Variants in SHANK2 observed in about 807,000 individuals in gnomAD.
SHANK2 encodes the protein SH3 and multiple ankyrin repeat domains 2.
Under a neutral mutation model 133.7 loss-of-function variants are expected in SHANK2, and 43 were observed. The observed-to-expected ratio is 0.32, with a 90% CI of 0.25 to 0.41. The LOEUF is 0.41. Among genes scored for constraint, SHANK2 ranks in the 10% least tolerant of loss-of-function variants. The pLI, the probability that SHANK2 is intolerant of heterozygous loss-of-function variation, is 1.00. For synonymous variants in SHANK2, 1,017 were observed against 952.8 expected, an observed-to-expected ratio of 1.07 and a Z score of -1.24; for missense variants, 1,994 against 2,235.8, an observed-to-expected ratio of 0.89 and a Z score of 2.18.
At chr11:70,873,146 CAA>C (rs1555070531) in intron 11 of SHANK2, 1 of 469,292 alleles carries the variant, frequency 2.1e-6, no homozygotes, top group East Asian at 7.0e-5. Context: ...TTCCCTAAAA[CAA>C]AGAGCCGTTG....
chr11:70,880,643 C>T (rs1555072250), intron 11 of SHANK2, among the ~76,000 whole-genome samples: 2 of 152,210 alleles, frequency 1.3e-5, no homozygotes, highest in African/African-American at 2.4e-5. Flanking sequence ...CACCCCTGGG[C>T]TTGTGCCCTA....
chr11:70,591,233 T>A (rs1565157545), intron 17 of SHANK2, among the ~76,000 whole-genome samples: 1 of 151,976 alleles, frequency 6.6e-6, no homozygotes. Context: ...GTGCCTGGGA[T>A]CCCAGCTACT....
intron 2 of SHANK2, among the ~76,000 whole-genome samples, chr11:71,183,575 A>T (rs1176252520): frequency 2.6e-5 from 4 of 152,216 alleles, no homozygotes. Flanking sequence ...ACATCAATGC[A>T]TGCGGCTCAC....
At chr11:70,602,043 C>A (rs1357665449) in intron 17 of SHANK2, among the ~76,000 whole-genome samples, 1 of 152,158 alleles carries the variant, frequency 6.6e-6, no homozygotes, top group East Asian at 1.9e-4. Context: ...CAGGGCGGGT[C>A]CCTCGTGGCT....
At chr11:71,132,786 T>C (rs115323356) in intron 3 of SHANK2, among the ~76,000 whole-genome samples, 1,722 of 152,308 alleles carry the variant, frequency 0.011, 36 homozygotes, top group African/African-American at 0.039. Flanking sequence ...GCAACTTTCA[T>C]TGGAAGGCCC....
intron 13 of SHANK2, among the ~76,000 whole-genome samples, chr11:70,803,068 G>A (rs3019831): frequency 0.039 from 5,927 of 152,202 alleles, 410 homozygotes; most frequent in African/African-American, 0.14. Context: ...CATGGCAGCC[G>A]AATCCTGAAG....
intron 12 of SHANK2, among the ~76,000 whole-genome samples, chr11:70,819,969 C>T (rs1449693491): frequency 2.0e-5 from 3 of 152,156 alleles, no homozygotes; most frequent in Non-Finnish European, 2.9e-5. Flanking sequence ...ACATGGCCCT[C>T]GGGAGGGCAC....
In SHANK2 at chr11:71,224,754, A is replaced by G. The variant is rs1954613278; in HGVS notation, c.-70T>C. ...GCCTCTTAGAGCAGGAACTGTCTGTATTCTAGAGGGCCAAAGCAGGGTGCC... is the reference window on the plus strand; with the variant it reads ...GCCTCTTAGAGCAGGAACTGTCTGTGTTCTAGAGGGCCAAAGCAGGGTGCC... On this transcript the variant is annotated 5_prime_UTR_variant, in exon 2 of 26. Transcript: ENST00000601538. 1 of 152,372 alleles carries G rather than the reference A, an allele frequency of 6.6e-6. No individual in the cohort carries two copies. Among genetic ancestry groups the G allele is most frequent in the Non-Finnish European group, 1.5e-5 (1 of 68,100 alleles). The allele number at this position is 152,372 out of a possible 1,614,324, so 9.4% of individuals were successfully genotyped here.
At chr11:70,531,403 G>A (rs2059468588) in intron 17 of SHANK2, among the ~76,000 whole-genome samples, 1 of 152,200 alleles carries the variant, frequency 6.6e-6, no homozygotes, top group African/African-American at 2.4e-5. Flanking sequence ...CCGGGGGCCT[G>A]AGCCTGGGGT....
chr11:70,661,940 C>T, intron 15 of SHANK2: 1 of 846,106 alleles, frequency 1.2e-6, no homozygotes, highest in Non-Finnish European at 1.9e-6. Context: ...AGGAAGGAGT[C>T]ATACATGGTG....
At chr11:71,088,440 T>C (rs1818923108) in intron 8 of SHANK2, among the ~76,000 whole-genome samples, 1 of 152,160 alleles carries the variant, frequency 6.6e-6, no homozygotes, top group Non-Finnish European at 1.5e-5. Flanking sequence ...GACAGTTCTG[T>C]TCACGTGAAT....
intron 11 of SHANK2, among the ~76,000 whole-genome samples, chr11:70,880,032 C>CAGCT (rs1949634681): frequency 6.6e-6 from 1 of 152,244 alleles, no homozygotes; most frequent in African/African-American, 2.4e-5. Flanking sequence ...AGATGCTGTG[C>CAGCT]AGCTCTCCAG....
At chr11:70,861,068 C>T (rs1479809276) in intron 11 of SHANK2, among the ~76,000 whole-genome samples, 2 of 152,144 alleles carry the variant, frequency 1.3e-5, no homozygotes, top group South Asian at 2.1e-4. Flanking sequence ...GGAAGCATTC[C>T]GACCTGCCCC....
Position 70,607,355 on chromosome 11 carries a change from C to T in SHANK2, c.2061+52473G>A, listed in dbSNP as rs1470390764. Among the ~76,000 whole-genome samples the T allele has an allele frequency of 3.3e-5, 5 of 152,166 alleles. 1 individual carries two copies. The highest frequency in any genetic ancestry group is 7.2e-5 in the African/African-American group (3 of 41,436). ...AGATTCTAAGAACCTGGCCACTTTC[C>T]GGCTCCTCTCTCCCTATGTGCCTGC... On this transcript the variant is annotated intron_variant, in intron 17 of 25. Transcript: ENST00000601538.
intron 23 of SHANK2, chr11:70,489,830 G>A (rs986628582): frequency 1.6e-5 from 2 of 126,764 alleles, no homozygotes; most frequent in Admixed American, 1.9e-4. Context: ...ATTTCATTTC[G>A]AGACCTGACC....
intron 2 of SHANK2, among the ~76,000 whole-genome samples, chr11:71,147,960 C>T (rs1456301689): frequency 6.6e-6 from 1 of 151,678 alleles, no homozygotes; most frequent in Non-Finnish European, 1.5e-5. Context: ...AGCCATCAGA[C>T]TTGGGGGTCC....
chr11:70,777,269 A>G (rs1159409217), intron 14 of SHANK2, among the ~76,000 whole-genome samples: 1 of 151,498 alleles, frequency 6.6e-6, no homozygotes, highest in Non-Finnish European at 1.5e-5. Context: ...CCATCCATCC[A>G]TCCACTCACC....
At chr11:70,824,225 G>A (rs1275030642) in intron 11 of SHANK2, among the ~76,000 whole-genome samples, 1 of 152,076 alleles carries the variant, frequency 6.6e-6, no homozygotes, top group Non-Finnish European at 1.5e-5. Flanking sequence ...GACAGAGCTA[G>A]AGCCAAGCCT....
At chr11:70,702,284 C>G (rs1046323770) in intron 14 of SHANK2, among the ~76,000 whole-genome samples, 2 of 151,608 alleles carry the variant, frequency 1.3e-5, no homozygotes, top group African/African-American at 2.4e-5. Flanking sequence ...TCATCATCAT[C>G]ACCACCATCT....
Sources: allele counts gnomAD v4.1 joint callset (sites outside exome capture counted in the v4.1 genomes callset), GRCh38; gene constraint gnomAD v4.1.1; transcripts MANE v1.5; gene names NCBI Gene and HGNC (gene_info 2026-07-23, HGNC 2026-07-21).